Variants in CLCN5 observed in about 807,000 individuals in gnomAD.
CLCN5 encodes H(+)/Cl(-) exchange transporter 5.
A neutral mutation model predicts 54.0 loss-of-function variants in CLCN5; 17 were observed. The ratio of observed to expected loss-of-function variants is 0.31; its 90% CI spans 0.22 to 0.47. The LOEUF (loss-of-function observed/expected upper bound fraction) is 0.47. CLCN5 is among the 20% of genes least tolerant of loss of function. CLCN5 has a pLI of 1.00. For missense variants in CLCN5, 448 were observed against 646.7 expected (o/e 0.69, Z 3.33); for synonymous variants, 222 against 233.0 (o/e 0.95, Z 0.43).
At chrX:50,038,101 C>A (rs1557186723) in intron 3 of CLCN5, among the ~76,000 whole-genome samples, 1 of 111,509 alleles carries the variant, frequency 9.0e-6, no homozygotes, top group Non-Finnish European at 1.9e-5. Flanking sequence ...GTCAAAAGAA[C>A]ATAGAAGCCA....
At chrX:49,966,055 T>C (rs782018498) in intron 3 of CLCN5, among the ~76,000 whole-genome samples, 8 of 109,161 alleles carry the variant, frequency 7.3e-5, no homozygotes, top group Middle Eastern at 4.6e-3. Flanking sequence ...ACTTCAGTTT[T>C]TTTTTCTCAA....
chrX:50,029,214 C>T (rs1479792329), intron 3 of CLCN5, among the ~76,000 whole-genome samples: 1 of 111,053 alleles, frequency 9.0e-6, no homozygotes, highest in Non-Finnish European at 1.9e-5. Flanking sequence ...AGGTTTGTTA[C>T]ATATGTATAC....
intron 3 of CLCN5, among the ~76,000 whole-genome samples, chrX:50,032,496 T>C (rs1931758331): frequency 9.0e-6 from 1 of 111,205 alleles, no homozygotes; most frequent in African/African-American, 3.3e-5. Context: ...TTTCATGTGT[T>C]TTTTGGCTGC....
intron 3 of CLCN5, among the ~76,000 whole-genome samples, chrX:49,973,470 C>T (rs1257611497): frequency 7.4e-5 from 8 of 107,732 alleles, no homozygotes; most frequent in East Asian, 2.9e-4. Flanking sequence ...CCCATTAACT[C>T]GTCATTTAGC....
At chrX:50,066,131 G>C (rs1177738307) in intron 4 of CLCN5, among the ~76,000 whole-genome samples, 2 of 95,824 alleles carry the variant, frequency 2.1e-5, no homozygotes, top group African/African-American at 4.2e-5. Flanking sequence ...CCTGCACATT[G>C]TGCACATGTA....
intron 4 of CLCN5, among the ~76,000 whole-genome samples, chrX:50,069,088 G>A (rs367923246): frequency 8.9e-6 from 1 of 111,882 alleles, no homozygotes; most frequent in Non-Finnish European, 1.9e-5. Flanking sequence ...AGAAGGGAAC[G>A]ATGAATCAGA....
chrX:50,067,953 A>C, intron 4 of CLCN5: 1 of 114,536 alleles, frequency 8.7e-6, no homozygotes, highest in East Asian at 2.8e-4. Flanking sequence ...GTGATGTAAT[A>C]GGATTCTTTC....
chrX:50,081,688 G>A lies in CLCN5; in HGVS notation c.774G>A (p.Lys258=). The change falls in exon 9 of 15, where the codon AAG becomes AAA. Residue 258 remains lysine, a synonymous_variant. Coordinates refer to ENST00000376091, the MANE Select transcript of CLCN5 (RefSeq NM_001127898.4). ...TCATTATTAGGGGCTATTTGGGTAA[G>A]TGGACTCTGGTTATCAAAACCATCA... ...SGFIIRGYLG[K]WTLVIKTITL... 8.3e-7 allele frequency: 1 copy of A among 1,211,084 alleles called. No individual in the cohort carries two copies. The highest frequency in any genetic ancestry group is 1.1e-6 in the Non-Finnish European group (1 of 895,035).
At chrX:50,041,346 C>A (rs1445636752) in intron 3 of CLCN5, among the ~76,000 whole-genome samples, 1 of 111,294 alleles carries the variant, frequency 9.0e-6, no homozygotes, top group Admixed American at 9.6e-5. Context: ...ATAAAGTTGG[C>A]CATAATGCTT....
intron 3 of CLCN5, among the ~76,000 whole-genome samples, chrX:49,995,006 A>G (rs1240817349): frequency 8.9e-6 from 1 of 112,094 alleles, no homozygotes; most frequent in African/African-American, 3.2e-5. Flanking sequence ...TTCTTCTCTA[A>G]CCCATTGAGA....
At chrX:49,999,853 T>G (rs1353800772) in intron 3 of CLCN5, among the ~76,000 whole-genome samples, 1 of 111,887 alleles carries the variant, frequency 8.9e-6, no homozygotes, top group Non-Finnish European at 1.9e-5. Flanking sequence ...AAAAGCCCCT[T>G]TTTTTACTTG....
intron 12 of CLCN5, among the ~76,000 whole-genome samples, chrX:50,089,492 G>C (rs1934010413): frequency 8.9e-6 from 1 of 112,299 alleles, no homozygotes; most frequent in Non-Finnish European, 1.9e-5. Flanking sequence ...TCAGCTAATA[G>C]ATAATGACTT....
At chrX:50,058,876 C>A (rs1055557372) in intron 4 of CLCN5, among the ~76,000 whole-genome samples, 1 of 110,952 alleles carries the variant, frequency 9.0e-6, no homozygotes, top group East Asian at 2.8e-4. Context: ...CTAAGTACCC[C>A]AACCTGATGT....
At chrX:50,066,636 T>C (rs782608330) in intron 4 of CLCN5, among the ~76,000 whole-genome samples, 2 of 111,728 alleles carry the variant, frequency 1.8e-5, no homozygotes, top group Non-Finnish European at 3.8e-5. Flanking sequence ...ATTGCACAAT[T>C]AATTAAGACC....
intron 4 of CLCN5, among the ~76,000 whole-genome samples, chrX:50,049,472 A>T (rs1557188109): frequency 1.8e-5 from 2 of 112,265 alleles, no homozygotes; most frequent in Non-Finnish European, 3.8e-5. Context: ...GCATGACTGT[A>T]CATGTATAGT....
intron 4 of CLCN5, among the ~76,000 whole-genome samples, chrX:50,043,791 T>A (rs1252430858): frequency 8.9e-6 from 1 of 111,853 alleles, no homozygotes; most frequent in African/African-American, 3.2e-5. Context: ...ATTGCCCCTT[T>A]CCTTTATGAC....
At chrX:49,970,526 T>G (rs1221331590) in intron 3 of CLCN5, among the ~76,000 whole-genome samples, 1 of 111,618 alleles carries the variant, frequency 9.0e-6, no homozygotes, top group East Asian at 2.8e-4. Context: ...GTATGTGGTC[T>G]CCGCATAATT....
intron 3 of CLCN5, among the ~76,000 whole-genome samples, chrX:49,991,925 G>T (rs782101012): frequency 2.7e-5 from 3 of 112,036 alleles, no homozygotes; most frequent in Non-Finnish European, 5.6e-5. Flanking sequence ...TCCATGTGCA[G>T]AGGTGCTGCT....
chrX:50,056,743 G>A (rs1557189009), intron 4 of CLCN5, among the ~76,000 whole-genome samples: 1 of 112,045 alleles, frequency 8.9e-6, no homozygotes, highest in Non-Finnish European at 1.9e-5. Context: ...TAAAGATGGA[G>A]CTGTATCCAC....
Sources: gnomAD v4.1 joint callset for allele counts (sites outside exome capture counted in the v4.1 genomes callset) on GRCh38, gnomAD v4.1.1 for gene constraint, MANE v1.5 for transcripts, NCBI Gene and HGNC (gene_info 2026-07-23, HGNC 2026-07-21) for gene names.